The following MUSK variants were observed in gnomAD, a reference collection of about 807,000 sequenced individuals.
The protein encoded by MUSK is muscle, skeletal receptor tyrosine-protein kinase.
A neutral mutation model predicts 88.7 loss-of-function variants in MUSK; 55 were observed. The ratio of observed to expected loss-of-function variants is 0.62; its 90% CI spans 0.50 to 0.78. The LOEUF is 0.78. MUSK is among the 30% of genes least tolerant of loss of function. The pLI is 0.00. For synonymous variants in MUSK, 387 were observed against 391.9 expected (o/e 0.99, Z 0.15); for missense variants, 1,015 against 1,074.3 (o/e 0.94, Z 0.77).
intron 5 of MUSK, among the ~76,000 whole-genome samples, chr9:110,729,326 TAAAA>T (rs34882321): frequency 4.1e-5 from 4 of 97,414 alleles, no homozygotes; most frequent in Non-Finnish European, 6.3e-5. Context: ...CTGTTTTCTG[TAAAA>T]AAAAAAAAAA....
chr9:110,788,383 G>A (rs1290210868), intron 14 of MUSK, among the ~76,000 whole-genome samples: 3 of 151,984 alleles, frequency 2.0e-5, no homozygotes, highest in African/African-American at 7.3e-5. Context: ...TATAATCTCA[G>A]CACTTTAGGA....
intron 14 of MUSK, among the ~76,000 whole-genome samples, chr9:110,799,075 C>A (rs1046285765): frequency 6.6e-6 from 1 of 152,096 alleles, no homozygotes; most frequent in Non-Finnish European, 1.5e-5. Context: ...AAGGATCCCA[C>A]AGAAGAAACT....
At chr9:110,789,132 C>T (rs2077928137) in intron 14 of MUSK, among the ~76,000 whole-genome samples, 1 of 152,164 alleles carries the variant, frequency 6.6e-6, no homozygotes, top group Non-Finnish European at 1.5e-5. Flanking sequence ...ACACAACTCA[C>T]ATTTTTTCAG....
intron 7 of MUSK, among the ~76,000 whole-genome samples, chr9:110,749,370 G>T (rs921187620): frequency 6.6e-6 from 1 of 152,124 alleles, no homozygotes; most frequent in African/African-American, 2.4e-5. Flanking sequence ...TGGAGCAGAA[G>T]ATGTGGATAT....
chr9:110,710,178 G>A (rs7034797), intron 5 of MUSK, among the ~76,000 whole-genome samples: 4,735 of 152,144 alleles, frequency 0.031, 246 homozygotes, highest in African/African-American at 0.1. Context: ...TAATATTTAT[G>A]TTGTGTAGAT....
intron 5 of MUSK, among the ~76,000 whole-genome samples, chr9:110,723,269 A>G (rs1310544535): frequency 6.6e-6 from 1 of 151,860 alleles, no homozygotes; most frequent in Non-Finnish European, 1.5e-5. Context: ...ACACATACAT[A>G]CCATGGAATA....
At chr9:110,692,350 T>C (rs2076368272) in intron 3 of MUSK, among the ~76,000 whole-genome samples, 1 of 151,944 alleles carries the variant, frequency 6.6e-6, no homozygotes, top group African/African-American at 2.4e-5. Context: ...TTTACTTTTT[T>C]TTGGTAGAGA....
chr9:110,736,215 C>A (rs180915991), intron 6 of MUSK, among the ~76,000 whole-genome samples: 2 of 152,198 alleles, frequency 1.3e-5, no homozygotes, highest in African/African-American at 4.8e-5. Flanking sequence ...TTGATCATTA[C>A]ACATTGTATG....
At chr9:110,689,690 T>TATATAAATATATAACTATATAC (rs2076270432) in intron 3 of MUSK, among the ~76,000 whole-genome samples, 2 of 62,616 alleles carry the variant, frequency 3.2e-5, no homozygotes, top group African/African-American at 1.9e-4. Context: ...TAACTATATA[T>TATATAAATATATAACTATATAC]AGTTATATAT....
chr9:110,676,661 G>A (rs903324889), intron 1 of MUSK, among the ~76,000 whole-genome samples: 1 of 152,082 alleles, frequency 6.6e-6, no homozygotes, highest in Middle Eastern at 3.4e-3. Flanking sequence ...TTGCTTTTCT[G>A]TTCCTGCATT....
intron 7 of MUSK, among the ~76,000 whole-genome samples, chr9:110,759,449 G>C (rs2077369346): frequency 6.6e-6 from 1 of 152,188 alleles, no homozygotes; most frequent in South Asian, 2.1e-4. Context: ...AAAAGCACTT[G>C]CAGCCAAAGC....
At position 110,801,766 on chromosome 9, in the gene MUSK, A is replaced by T. The variant is rs1470524468; in HGVS notation, c.*778A>T. ...ATTTACCTTTTCCTTTAAAAATTGT[A>T]TTGGTATCTTTTCCATTGCTTTAAT... On this transcript the variant is annotated 3_prime_UTR_variant, in exon 15 of 15. Coordinates refer to ENST00000374448, the MANE Select transcript of MUSK (RefSeq NM_005592.4). The T allele has an allele frequency of 6.6e-6, 1 of 152,100 alleles. No individual in the cohort carries two copies. The highest frequency in any genetic ancestry group is 1.5e-5 in the Non-Finnish European group (1 of 68,012). 9.4% of individuals were successfully genotyped at this position (152,100 alleles called of 1,614,324 possible).
chr9:110,740,309 G>A (rs928124666), intron 6 of MUSK, among the ~76,000 whole-genome samples: 1 of 152,046 alleles, frequency 6.6e-6, no homozygotes, highest in East Asian at 1.9e-4. Context: ...CAAGGTCAAG[G>A]TGCTATCAGG....
At chr9:110,754,842 T>C (rs941367633) in intron 7 of MUSK, among the ~76,000 whole-genome samples, 5 of 152,226 alleles carry the variant, frequency 3.3e-5, no homozygotes, top group African/African-American at 9.6e-5. Context: ...AGCAGTGACA[T>C]AGAGTTCTCT....
chr9:110,765,069 T>C (rs907644007), intron 8 of MUSK, among the ~76,000 whole-genome samples: 5 of 152,200 alleles, frequency 3.3e-5, no homozygotes, highest in African/African-American at 1.2e-4. Context: ...TACTTTTTCT[T>C]AGTTTCCAGT....
At chr9:110,725,125 A>G (rs2076866887) in intron 5 of MUSK, among the ~76,000 whole-genome samples, 1 of 152,016 alleles carries the variant, frequency 6.6e-6, no homozygotes, top group Admixed American at 6.6e-5. Flanking sequence ...GGAATTGGAG[A>G]TCATTATTCT....
chr9:110,753,230 A>C (rs2077269496), intron 7 of MUSK, among the ~76,000 whole-genome samples: 1 of 152,184 alleles, frequency 6.6e-6, no homozygotes, highest in Admixed American at 6.5e-5. Context: ...CAGGAGTTCG[A>C]GACCAGCTTG....
chr9:110,775,851 G>A lies in MUSK; in HGVS notation c.1248G>A (p.Lys416=). 3 of 1,613,910 alleles carry A rather than the reference G, an allele frequency of 1.9e-6. No individual in the cohort carries two copies. The highest frequency in any genetic ancestry group is 2.2e-5 in the South Asian group (2 of 91,072). The change falls in exon 10 of 15, where the codon AAG becomes AAA. Residue 416 remains lysine (K), a synonymous_variant. Coordinates refer to ENST00000374448, the MANE Select transcript of MUSK (RefSeq NM_005592.4). The part of the protein sequence containing the change: ...CAKEWLVMEE[K]THRGLYRSEM... ...AAGAATGGCTGGTAATGGAAGAGAA[G>A]ACCCACAGAGGACTCTACAGATCCG...
chr9:110,723,768 AT>A (rs547770074), intron 5 of MUSK, among the ~76,000 whole-genome samples: 197 of 152,120 alleles, frequency 1.3e-3, no homozygotes, highest in African/African-American at 4.6e-3. Context: ...TTCATAAGTG[AT>A]TCAATGAATT....
Sources: gnomAD v4.1 joint callset for allele counts (sites outside exome capture counted in the v4.1 genomes callset) on GRCh38, gnomAD v4.1.1 for gene constraint, MANE v1.5 for transcripts, NCBI Gene and HGNC (gene_info 2026-07-23, HGNC 2026-07-21) for gene names.